The following STK33 variants were observed in gnomAD, a reference collection of about 807,000 sequenced individuals.
The protein encoded by STK33 is serine/threonine kinase 33, also known as serine/threonine-protein kinase 33.
STK33 carries 52 observed loss-of-function variants against 58.0 expected under a neutral mutation model. The ratio of observed to expected loss-of-function variants is 0.90; its 90% CI spans 0.72 to 1.13. The LOEUF (loss-of-function observed/expected upper bound fraction) is 1.13, where lower values mean the gene tolerates loss of function less well. Among genes scored for constraint, STK33 ranks in the 50% most tolerant of loss-of-function variants. The pLI, the probability that STK33 is intolerant of heterozygous loss-of-function variation, is 0.00. For missense variants in STK33, 630 were observed against 604.2 expected (o/e 1.04, Z -0.45); for synonymous variants, 215 against 200.1 (o/e 1.07, Z -0.63).
intron 14 of STK33, among the ~76,000 whole-genome samples, chr11:8,414,353 T>A (rs1024144879): frequency 6.6e-6 from 1 of 152,144 alleles, no homozygotes; most frequent in Admixed American, 6.6e-5. Context: ...AAGAAATATA[T>A]GAATGCAAGC....
the STK33 span, among the ~76,000 whole-genome samples, chr11:8,335,906 T>C: frequency 6.6e-6 from 1 of 152,228 alleles, no homozygotes; most frequent in Non-Finnish European, 1.5e-5. Flanking sequence ...GCTCCACGGC[T>C]ACACGCGGCT....
At chr11:8,449,055 G>C (rs11041926) in intron 11 of STK33, among the ~76,000 whole-genome samples, 16,980 of 151,732 alleles carry the variant, frequency 0.11, 1,318 homozygotes, top group East Asian at 0.27. Flanking sequence ...CTGGCCATCA[G>C]AGAAATGCAA....
intron 2 of STK33, among the ~76,000 whole-genome samples, chr11:8,478,057 T>C (rs760692505): frequency 6.6e-6 from 1 of 152,232 alleles, no homozygotes; most frequent in African/African-American, 2.4e-5. Flanking sequence ...TTCTAATTAT[T>C]TTAGTTTAAA....
At chr11:8,529,415 G>C (rs1473596121) in intron 1 of STK33, among the ~76,000 whole-genome samples, 3 of 152,152 alleles carry the variant, frequency 2.0e-5, no homozygotes, top group African/African-American at 7.2e-5. Context: ...TAGTGGCAAA[G>C]AGCCATAGGA....
the STK33 span, among the ~76,000 whole-genome samples, chr11:8,378,898 A>C: frequency 6.6e-6 from 1 of 152,228 alleles, no homozygotes; most frequent in Non-Finnish European, 1.5e-5. Flanking sequence ...AAATTATACT[A>C]CAAGGCTATG....
chr11:8,450,627 AG>A (rs1224782134), intron 11 of STK33, among the ~76,000 whole-genome samples: 1 of 150,908 alleles, frequency 6.6e-6, no homozygotes, highest in Non-Finnish European at 1.5e-5. Context: ...ACAAAAAAAA[AG>A]TTCAAGAAGT....
intron 1 of STK33, among the ~76,000 whole-genome samples, chr11:8,529,075 G>A (rs1034164655): frequency 4.6e-5 from 7 of 152,150 alleles, no homozygotes; most frequent in African/African-American, 7.2e-5. Flanking sequence ...AGTAAACAGC[G>A]AAACTAGGGT....
At chr11:8,489,272 G>GAAAAAAAAAA (rs60919146) in intron 1 of STK33, among the ~76,000 whole-genome samples, 1 of 126,566 alleles carries the variant, frequency 7.9e-6, no homozygotes, top group Non-Finnish European at 1.6e-5. Flanking sequence ...AAAAAAAAAA[G>GAAAAAAAAAA]AAAAAAAAAA....
chr11:8,360,097 C>T, the STK33 span, among the ~76,000 whole-genome samples: 3 of 152,258 alleles, frequency 2.0e-5, no homozygotes, highest in African/African-American at 7.2e-5. Context: ...CTCTTTGTCC[C>T]AGTCTGTTCC....
intron 1 of STK33, among the ~76,000 whole-genome samples, chr11:8,574,967 C>T (rs1181102301): frequency 6.6e-6 from 1 of 152,050 alleles, no homozygotes; most frequent in Non-Finnish European, 1.5e-5. Flanking sequence ...ATCACTTGAG[C>T]CCAGGAGTTT....
intron 11 of STK33, among the ~76,000 whole-genome samples, chr11:8,450,785 TG>T (rs1328641087): frequency 2.6e-5 from 4 of 152,180 alleles, no homozygotes; most frequent in Admixed American, 1.3e-4. Context: ...CATGTGAGGT[TG>T]AATTTAAATG....
intron 1 of STK33, among the ~76,000 whole-genome samples, chr11:8,568,646 G>C (rs373212695): frequency 1.3e-5 from 2 of 152,128 alleles, no homozygotes; most frequent in Admixed American, 1.3e-4. Context: ...ATTTATTATA[G>C]TATTTGATAC....
chr11:8,372,119 C>G, the STK33 span, among the ~76,000 whole-genome samples: 68 of 152,250 alleles, frequency 4.5e-4, no homozygotes, highest in East Asian at 0.012. Context: ...CCTCCCACCT[C>G]AGCCTCCCAA....
At chr11:8,390,110 C>T (rs1011079743), downstream of STK33, among the ~76,000 whole-genome samples, 2 of 152,200 alleles carry the variant, frequency 1.3e-5, no homozygotes, top group African/African-American at 4.8e-5. Flanking sequence ...CCTTCCTTCT[C>T]TGATGTAAGG....
intron 15 of STK33, among the ~76,000 whole-genome samples, chr11:8,408,330 G>C (rs1468416187): frequency 6.6e-6 from 1 of 152,198 alleles, no homozygotes; most frequent in Non-Finnish European, 1.5e-5. Context: ...TAGGCCCTAA[G>C]GGGAGCTGAG....
At chr11:8,437,049 A>C (rs1944158547) in intron 12 of STK33, among the ~76,000 whole-genome samples, 1 of 152,200 alleles carries the variant, frequency 6.6e-6, no homozygotes, top group South Asian at 2.1e-4. Flanking sequence ...AAGCCATTAA[A>C]ACGGACACAA....
chr11:8,577,846 T>C (rs2141273439), intron 1 of STK33, among the ~76,000 whole-genome samples: 1 of 152,242 alleles, frequency 6.6e-6, no homozygotes, highest in East Asian at 1.9e-4. Context: ...CTGGATATAC[T>C]CAATGGTAAC....
At chr11:8,416,500 A>G (rs1268589852) in intron 14 of STK33, among the ~76,000 whole-genome samples, 1 of 152,220 alleles carries the variant, frequency 6.6e-6, no homozygotes. Flanking sequence ...AGGGCATGAA[A>G]CAATCATAAC....
intron 1 of STK33, among the ~76,000 whole-genome samples, chr11:8,582,954 TAGA>T (rs2141378054): frequency 6.6e-6 from 1 of 152,332 alleles, no homozygotes; most frequent in African/African-American, 2.4e-5. Flanking sequence ...ATTTCTTTCA[TAGA>T]AGATCTGATG....
Sources: allele counts gnomAD v4.1 joint callset (sites outside exome capture counted in the v4.1 genomes callset), GRCh38; gene constraint gnomAD v4.1.1; transcripts MANE v1.5; gene names NCBI Gene and HGNC (gene_info 2026-07-23, HGNC 2026-07-21).